The following CASK variants were observed in gnomAD, a reference collection of about 807,000 sequenced individuals.
CASK encodes the protein calcium/calmodulin dependent serine protein kinase, also known as peripheral plasma membrane protein CASK.
A neutral mutation model predicts 82.9 loss-of-function variants in CASK; 4 were observed. The ratio of observed to expected loss-of-function variants is 0.05; its 90% confidence interval spans 0.02 to 0.11. The LOEUF is 0.11. Among genes scored for constraint, CASK ranks in the 10% least tolerant of loss-of-function variants. The pLI is 1.00. For synonymous variants in CASK, 259 were observed against 253.5 expected, an observed-to-expected ratio of 1.02 and a Z score of -0.20; for missense variants, 358 against 720.9, an observed-to-expected ratio of 0.50 and a Z score of 5.76.
chrX:41,671,345 G>T, intron 6 of CASK, 83 bp downstream of exon 6: 1 of 582,732 alleles, frequency 1.7e-6, no homozygotes, highest in Non-Finnish European at 3.0e-6. Flanking sequence ...CACTGAGGTT[G>T]GGCTAATATG....
At chrX:41,880,434 C>T (rs1232557999) in intron 1 of CASK, among the ~76,000 whole-genome samples, 1 of 111,848 alleles carries the variant, frequency 8.9e-6, no homozygotes, top group Non-Finnish European at 1.9e-5. Context: ...GAGGCCAGCT[C>T]AGATGCAAGC....
chrX:41,639,231 G>A (rs1196918280), intron 8 of CASK, among the ~76,000 whole-genome samples: 1 of 109,227 alleles, frequency 9.2e-6, no homozygotes, highest in Admixed American at 9.9e-5. Context: ...GCACCACCAC[G>A]CCCAGCTAAT....
intron 12 of CASK, among the ~76,000 whole-genome samples, chrX:41,598,134 G>GACACACACACACAC (rs757204318): frequency 6.2e-4 from 62 of 99,919 alleles, no homozygotes; most frequent in African/African-American, 2.2e-3. Context: ...CTGAGGCCCT[G>GACACACACACACAC]ACACACACAC....
At chrX:41,529,242 G>C (rs1180725790) in intron 25 of CASK, among the ~76,000 whole-genome samples, 1 of 111,477 alleles carries the variant, frequency 9.0e-6, no homozygotes, top group African/African-American at 3.3e-5. Flanking sequence ...GGTGCTTTGG[G>C]GCCAAGTGCA....
chrX:41,620,454 T>C (rs1332955826), intron 11 of CASK, among the ~76,000 whole-genome samples: 1 of 112,104 alleles, frequency 8.9e-6, no homozygotes, highest in African/African-American at 3.2e-5. Context: ...TCTATTATAT[T>C]AGCGATCAAT....
At chrX:41,561,941 G>A in intron 16 of CASK, 1 of 188,155 alleles carries the variant, frequency 5.3e-6, no homozygotes, top group Non-Finnish European at 9.8e-6. Flanking sequence ...AGACTGCCTG[G>A]GTTCAAATTC....
intron 1 of CASK, among the ~76,000 whole-genome samples, chrX:41,853,486 A>T (rs778728246): frequency 2.3e-3 from 254 of 112,335 alleles, no homozygotes; most frequent in African/African-American, 7.9e-3. Flanking sequence ...GTAATTTTTT[A>T]AAAATTCTAA....
intron 5 of CASK, among the ~76,000 whole-genome samples, chrX:41,707,061 G>T (rs1457387862): frequency 8.9e-6 from 1 of 112,252 alleles, no homozygotes; most frequent in Non-Finnish European, 1.9e-5. Flanking sequence ...CATTAAAGTT[G>T]AAAGCACATC....
chrX:41,582,050 T>C (rs62587016), intron 14 of CASK, among the ~76,000 whole-genome samples: 12,637 of 110,539 alleles, frequency 0.11, 710 homozygotes, highest in Middle Eastern at 0.17. Context: ...CAAGTCCTCT[T>C]GTATGTAACC....
At chrX:41,890,288 C>T (rs541436939) in intron 1 of CASK, among the ~76,000 whole-genome samples, 1 of 108,982 alleles carries the variant, frequency 9.2e-6, no homozygotes. Context: ...CTGCCCTTCC[C>T]CAACCCCAAG....
chrX:41,696,739 C>T lies in CASK; in HGVS notation c.430-25209G>A, dbSNP rs751806897. On this transcript the variant is annotated intron_variant, in intron 5 of 26. Transcript: ENST00000378163. ...CCAGGATACTCCCTGCATGATACAT[C>T]TGTGGCAGTGAAAATACAGTCTAGT... is the stretch of plus-strand genomic sequence containing the variant. 11 of 1,197,684 alleles carry T rather than the reference C, an allele frequency of 9.2e-6. No individual in the cohort carries two copies. In the South Asian group the frequency reaches 2.0e-4, roughly 22 times the overall value.
intron 8 of CASK, among the ~76,000 whole-genome samples, chrX:41,659,039 T>A (rs1035969107): frequency 1.6e-4 from 18 of 110,590 alleles, no homozygotes; most frequent in African/African-American, 5.6e-4. Flanking sequence ...AGAGTGTGCA[T>A]AATACAAATA....
chrX:41,791,896 A>G (rs2069730467), intron 2 of CASK, among the ~76,000 whole-genome samples: 1 of 111,818 alleles, frequency 8.9e-6, no homozygotes, highest in Non-Finnish European at 1.9e-5. Context: ...CTTACATTTA[A>G]CTATATGCCT....
At position 41,660,490 on chromosome X, in the gene CASK, A is replaced by G. The variant is rs762863079; in HGVS notation, c.780T>C (p.Asp260=). Residue 260 remains aspartate (D), a synonymous_variant, in exon 8 of 27, where the codon GAT becomes GAC. Transcript: ENST00000378163. ...KDLVRRMLML[D]PAERITVYEA... ...CATAAACAGTGATCCTTTCAGCTGG[A>G]TCCAGCATCAGCATGCGACGTACTA... 8.3e-7 allele frequency: 1 copy of G among 1,210,287 alleles called. No homozygotes were observed. Among genetic ancestry groups the G allele is most frequent in the East Asian group, 3.0e-5 (1 of 33,858 alleles).
intron 15 of CASK, among the ~76,000 whole-genome samples, chrX:41,571,709 T>C (rs951404765): frequency 1.8e-5 from 2 of 112,141 alleles, no homozygotes; most frequent in African/African-American, 6.5e-5. Context: ...ATTTACTCCA[T>C]TTTGTCCTAG....
intron 3 of CASK, among the ~76,000 whole-genome samples, chrX:41,753,952 T>C (rs1318673133): frequency 2.7e-5 from 3 of 112,539 alleles, no homozygotes; most frequent in South Asian, 7.2e-4. Flanking sequence ...ATTTGGAAAC[T>C]AGACAATATA....
At chrX:41,559,892 C>T (rs2065204770) in intron 17 of CASK, 45 bp from the exon 18 acceptor site, 1 of 1,095,719 alleles carries the variant, frequency 9.1e-7, no homozygotes, top group South Asian at 1.9e-5. Flanking sequence ...TTCTTACAAA[C>T]AATTGTTCAC....
intron 12 of CASK, among the ~76,000 whole-genome samples, chrX:41,591,231 A>G (rs1210408729): frequency 2.7e-5 from 3 of 111,729 alleles, no homozygotes; most frequent in African/African-American, 9.8e-5. Context: ...CAGAAAAATA[A>G]TGTTATAAAT....
chrX:41,612,225 GC>G (rs2066074945), intron 11 of CASK, among the ~76,000 whole-genome samples: 1 of 108,863 alleles, frequency 9.2e-6, no homozygotes, highest in South Asian at 4.1e-4. Flanking sequence ...GAGCATCTCT[GC>G]CCCGCCGCCA....
Sources: allele counts gnomAD v4.1 joint callset (sites outside exome capture counted in the v4.1 genomes callset), GRCh38; gene constraint gnomAD v4.1.1; transcripts MANE v1.5; gene names NCBI Gene and HGNC (gene_info 2026-07-23, HGNC 2026-07-21).